TMEM132D: variants seen among roughly 807,000 people sequenced by gnomAD.
TMEM132D encodes the protein transmembrane protein 132D, also known as mature OL transmembrane protein.
In TMEM132D, 21 loss-of-function variants were observed where a neutral mutation model predicts 62.3. The observed-to-expected ratio is 0.34, with a 90% CI of 0.24 to 0.49. The LOEUF is 0.49. Among genes scored for constraint, TMEM132D ranks in the 20% least tolerant of loss-of-function variants. The pLI is 0.99. For synonymous variants in TMEM132D, 621 were observed against 575.6 expected (o/e 1.08, Z -1.13); for missense variants, 1,346 against 1,402.8 (o/e 0.96, Z 0.65).
At chr12:129,780,341 G>C (rs918063974) in intron 1 of TMEM132D, among the ~76,000 whole-genome samples, 14 of 17,402 alleles carry the variant, frequency 8.0e-4, no homozygotes, top group Non-Finnish European at 2.1e-3. Flanking sequence ...TGGTGGGGAG[G>C]GGGGGGGCCG....
At chr12:129,566,374 C>T (rs1283718324) in intron 2 of TMEM132D, among the ~76,000 whole-genome samples, 1 of 152,124 alleles carries the variant, frequency 6.6e-6, no homozygotes, top group African/African-American at 2.4e-5. Flanking sequence ...GAATGAACCC[C>T]CTCCTCTTAG....
In TMEM132D at chr12:129,582,432, T is replaced by G. The variant is rs186546020; in HGVS notation, c.969-51227A>C. Reference sequence around the variant, plus strand: ...TAACTCTATTGCTCTCAATGCAGAGTGTCAGGCACTGGAAACGTATGCACA... The same window carrying G: ...TAACTCTATTGCTCTCAATGCAGAGGGTCAGGCACTGGAAACGTATGCACA... On this transcript the variant is annotated intron_variant, in intron 2 of 8. Transcript: ENST00000422113. Among the ~76,000 whole-genome samples, 168 of 152,216 alleles carry G rather than the reference T, an allele frequency of 1.1e-3. 1 individual carries two copies. The highest frequency in any genetic ancestry group is 2.1e-3 in the Non-Finnish European group (141 of 68,006).
At chr12:129,563,031 A>G (rs574983246) in intron 2 of TMEM132D, among the ~76,000 whole-genome samples, 1 of 152,316 alleles carries the variant, frequency 6.6e-6, no homozygotes, top group African/African-American at 2.4e-5. Flanking sequence ...CTTTATCTGT[A>G]TACTTTTCAT....
At chr12:129,679,928 T>C (rs960457746) in intron 2 of TMEM132D, among the ~76,000 whole-genome samples, 2 of 152,232 alleles carry the variant, frequency 1.3e-5, no homozygotes, top group Admixed American at 1.3e-4. Flanking sequence ...CATTTTCTCC[T>C]GGTTCATGCT....
chr12:129,268,136 A>T (rs113455484), intron 4 of TMEM132D, among the ~76,000 whole-genome samples: 11 of 152,284 alleles, frequency 7.2e-5, no homozygotes, highest in African/African-American at 1.9e-4. Flanking sequence ...AAGGACTTCA[A>T]GTCTAAAACA....
chr12:129,386,339 C>G (rs1267970989), intron 3 of TMEM132D, among the ~76,000 whole-genome samples: 1 of 152,094 alleles, frequency 6.6e-6, no homozygotes, highest in African/African-American at 2.4e-5. Flanking sequence ...AATGCTAAAA[C>G]TAATGCCAAC....
intron 1 of TMEM132D, among the ~76,000 whole-genome samples, chr12:129,837,274 T>G (rs549948133): frequency 6.6e-6 from 1 of 152,324 alleles, no homozygotes; most frequent in African/African-American, 2.4e-5. Context: ...CTAAAAGAAT[T>G]TATTCTCAAG....
chr12:129,612,109 G>T (rs921267398), intron 2 of TMEM132D, among the ~76,000 whole-genome samples: 2 of 152,178 alleles, frequency 1.3e-5, no homozygotes, highest in East Asian at 1.9e-4. Flanking sequence ...ACTCATTTGC[G>T]AAAGGAGAGC....
intron 1 of TMEM132D, among the ~76,000 whole-genome samples, chr12:129,780,938 A>G (rs576942161): frequency 6.6e-6 from 1 of 152,266 alleles, no homozygotes; most frequent in Admixed American, 6.5e-5. Flanking sequence ...TAGTGAATTA[A>G]TTTCTAACCA....
chr12:129,792,171 G>A (rs1871418386), intron 1 of TMEM132D, among the ~76,000 whole-genome samples: 1 of 152,250 alleles, frequency 6.6e-6, no homozygotes, highest in Middle Eastern at 3.4e-3. Flanking sequence ...TGCTCTTGCC[G>A]GGGCCAGCCC....
chr12:129,108,117 G>A (rs1875560337), intron 5 of TMEM132D, among the ~76,000 whole-genome samples: 1 of 152,104 alleles, frequency 6.6e-6, no homozygotes, highest in South Asian at 2.1e-4. Flanking sequence ...AATCACTCCT[G>A]AAAATGTGCC....
At chr12:129,873,551 G>A (rs1874323386) in intron 1 of TMEM132D, among the ~76,000 whole-genome samples, 1 of 152,186 alleles carries the variant, frequency 6.6e-6, no homozygotes, top group South Asian at 2.1e-4. Context: ...CCATTTCAAT[G>A]GCTAGACGCT....
At chr12:129,596,817 C>A (rs922066140) in intron 2 of TMEM132D, among the ~76,000 whole-genome samples, 5 of 151,868 alleles carry the variant, frequency 3.3e-5, no homozygotes, top group African/African-American at 1.2e-4. Flanking sequence ...ACCCCATCCA[C>A]CCCCCGCCAA....
intron 1 of TMEM132D, among the ~76,000 whole-genome samples, chr12:129,769,640 C>T (rs1870667686): frequency 2.6e-5 from 4 of 152,114 alleles, no homozygotes; most frequent in African/African-American, 7.2e-5. Flanking sequence ...CCCCCTGACT[C>T]TCAGGAAAAG....
chr12:129,102,370 A>G (rs1310923571), intron 5 of TMEM132D, among the ~76,000 whole-genome samples: 1 of 152,070 alleles, frequency 6.6e-6, no homozygotes, highest in Non-Finnish European at 1.5e-5. Context: ...GCATGCACAC[A>G]AGCACATGCA....
At chr12:129,527,073 C>T (rs1876067664) in intron 3 of TMEM132D, among the ~76,000 whole-genome samples, 1 of 152,156 alleles carries the variant, frequency 6.6e-6, no homozygotes, top group African/African-American at 2.4e-5. Context: ...CTTTGGGAGG[C>T]CAAGGCAGGT....
At chr12:129,831,760 A>C (rs1351988077) in intron 1 of TMEM132D, among the ~76,000 whole-genome samples, 1 of 151,472 alleles carries the variant, frequency 6.6e-6, no homozygotes, top group Non-Finnish European at 1.5e-5. Context: ...CAAGCCATTA[A>C]ACCCAGGGTG....
Position 129,892,893 on chromosome 12 carries a change from T to C in TMEM132D, c.79+10368A>G, listed in dbSNP as rs145613705. 3.2e-3 allele frequency among the ~76,000 whole-genome samples: 481 copies of C among 152,190 alleles called. 1 individual carries two copies. The highest frequency in any genetic ancestry group is 4.7e-3 in the Non-Finnish European group (321 of 68,006). ...GGACTCTGTTTGTTTGTTTGTTTGT[T>C]TGTGACAGAGTCTCACTCTGTCATC... is the stretch of plus-strand genomic sequence containing the variant. On this transcript the variant is annotated intron_variant, in intron 1 of 8. Transcript: ENST00000422113.
chr12:129,165,461 T>C (rs188875662), intron 5 of TMEM132D, among the ~76,000 whole-genome samples: 2 of 152,164 alleles, frequency 1.3e-5, no homozygotes, highest in African/African-American at 2.4e-5. Flanking sequence ...CTAACTGAAA[T>C]GGACAAAGAA....
Sources: gnomAD v4.1 joint callset for allele counts (sites outside exome capture counted in the v4.1 genomes callset) on GRCh38, gnomAD v4.1.1 for gene constraint, MANE v1.5 for transcripts, NCBI Gene and HGNC (gene_info 2026-07-23, HGNC 2026-07-21) for gene names.